PHTF1: variants seen among roughly 807,000 people sequenced by gnomAD.
The protein encoded by PHTF1 is putative homeodomain transcription factor 1, also known as protein PHTF1.
In PHTF1, 88 loss-of-function variants were observed where a neutral mutation model predicts 102.4. The observed-to-expected ratio is 0.86, with a 90% CI of 0.72 to 1.03. The LOEUF (loss-of-function observed/expected upper bound fraction) is 1.03, where lower values mean the gene tolerates loss of function less well. Among genes scored for constraint, PHTF1 ranks in the 50% least tolerant of loss-of-function variants. The pLI is 0.00. For synonymous variants in PHTF1, 289 were observed against 305.2 expected, an observed-to-expected ratio of 0.95 and a Z score of 0.55; for missense variants, 814 against 909.5, an observed-to-expected ratio of 0.89 and a Z score of 1.35.
In PHTF1 at chr1:113,736,864, G is replaced by A. The variant is rs150078737; in HGVS notation, c.331+1246C>T. Among the ~76,000 whole-genome samples, 768 of 152,290 alleles carry A rather than the reference G, an allele frequency of 5.0e-3. 4 individuals are homozygous for A. The highest frequency in any genetic ancestry group is 0.018 in the African/African-American group (741 of 41,552). Reference sequence around the variant, plus strand: ...ATGTCTGAGAGAAGAGCAGGCACCAGGTCCTGTAGGGCATTATAGGCCATG... The same window carrying A: ...ATGTCTGAGAGAAGAGCAGGCACCAAGTCCTGTAGGGCATTATAGGCCATG... On this transcript the variant is annotated intron_variant, in intron 5 of 18. Transcript: ENST00000369604.
chr1:113,712,658 C>T (rs1467377309), intron 8 of PHTF1, among the ~76,000 whole-genome samples: 2 of 152,156 alleles, frequency 1.3e-5, no homozygotes, highest in East Asian at 3.8e-4. Context: ...CTACTTAAAC[C>T]TACAAAATAA....
intron 17 of PHTF1, chr1:113,699,441 A>C (rs1489071128): frequency 6.6e-6 from 4 of 606,638 alleles, no homozygotes; most frequent in Admixed American, 2.1e-5. Context: ...TCCTCCAGGG[A>C]CTTGATCTTC....
intron 17 of PHTF1, 129 bp downstream of exon 17, chr1:113,699,575 C>T (rs931759480): frequency 1.5e-6 from 1 of 673,776 alleles, no homozygotes; most frequent in South Asian, 1.6e-5. Context: ...ACCCCTGATG[C>T]CACTGTGGAA....
At chr1:113,717,792 G>A (rs1005011423) in intron 7 of PHTF1, among the ~76,000 whole-genome samples, 4 of 151,940 alleles carry the variant, frequency 2.6e-5, no homozygotes, top group Non-Finnish European at 4.4e-5. Flanking sequence ...TCACTATCAC[G>A]AGAATAGCAT....
At chr1:113,708,394 G>A (rs1301113904) in intron 11 of PHTF1, among the ~76,000 whole-genome samples, 4 of 152,210 alleles carry the variant, frequency 2.6e-5, no homozygotes, top group Non-Finnish European at 4.4e-5. Context: ...CGGAGGCCGA[G>A]GTGAGTGGAT....
chr1:113,715,724 G>A (rs185300294), intron 7 of PHTF1, among the ~76,000 whole-genome samples: 17 of 124,480 alleles, frequency 1.4e-4, no homozygotes, highest in African/African-American at 4.5e-4. Context: ...TACACAGAAG[G>A]AATTCAGAAT....
chr1:113,756,273 T>C (rs575002171), intron 3 of PHTF1, among the ~76,000 whole-genome samples: 13 of 152,274 alleles, frequency 8.5e-5, no homozygotes, highest in Admixed American at 1.3e-4. Flanking sequence ...TCTGGAGACT[T>C]ATTCATCCTA....
In PHTF1 at chr1:113,728,060, G is replaced by C. The variant is rs538821546; in HGVS notation, c.332-1486C>G. 5.3e-5 allele frequency among the ~76,000 whole-genome samples: 8 copies of C among 152,290 alleles called. No homozygotes were observed. In the South Asian group the frequency reaches 1.7e-3, roughly 32 times the overall value. On this transcript the variant is annotated intron_variant, in intron 5 of 18. Coordinates refer to ENST00000369604, the MANE Select transcript of PHTF1 (RefSeq NM_001323043.2). ...ACCAAGATCACAACACTGCACTCCA[G>C]CCTGGGTGACAGAGCAAGACTCCGT...
chr1:113,706,358 T>C (rs1650174426), intron 12 of PHTF1, among the ~76,000 whole-genome samples, 196 bp from the exon 13 acceptor site: 1 of 152,164 alleles, frequency 6.6e-6, no homozygotes, highest in Admixed American at 6.6e-5. Context: ...AGAGCATACC[T>C]GAACAGTTGA....
chr1:113,698,620 TACACACACACACACACACACACACACAC>T (rs56167437), intron 17 of PHTF1, among the ~76,000 whole-genome samples: 1 of 49,672 alleles, frequency 2.0e-5, no homozygotes, highest in East Asian at 3.5e-4. Context: ...TATATATATA[TACACACACACACACACACACACACACAC>T]ACACACACAC....
At position 113,738,111 on chromosome 1, in the gene PHTF1, T is replaced by C; in HGVS notation, c.330A>G (p.Gln110=). ...GCTTATTCCAATTTCTCCAATTACCTTGCATGAAATAAAGTAGTAACAGCC... is the reference window on the plus strand; with the variant it reads ...GCTTATTCCAATTTCTCCAATTACCCTGCATGAAATAAAGTAGTAACAGCC... The part of the protein sequence containing the change: ...FVWLLLLYFM[Q]VIAIVLYLMM... Residue 110 remains glutamine (Q), a splice_region_variant and synonymous_variant, in exon 5 of 19, where the codon CAA becomes CAG. Coordinates refer to ENST00000369604, the MANE Select transcript of PHTF1 (RefSeq NM_001323043.2). 6.2e-7 allele frequency: 1 copy of C among 1,601,848 alleles called. No homozygotes were observed. The highest frequency in any genetic ancestry group is 8.5e-7 in the Non-Finnish European group (1 of 1,171,338).
intron 3 of PHTF1, among the ~76,000 whole-genome samples, chr1:113,751,024 G>A (rs1657995034): frequency 6.6e-6 from 1 of 152,116 alleles, no homozygotes; most frequent in Non-Finnish European, 1.5e-5. Flanking sequence ...CACTTTGGGA[G>A]GCCAGGGAGG....
intron 17 of PHTF1, chr1:113,699,291 C>T (rs1649182208): frequency 7.5e-6 from 2 of 268,344 alleles, no homozygotes; most frequent in African/African-American, 4.6e-5. Context: ...GGATAAAGAG[C>T]TTGACCATGA....
At position 113,699,541 on chromosome 1, in the gene PHTF1, G is replaced by T; in HGVS notation, c.2142+163C>A. ...CAGGAGCTCTGTGACCTCAGCTCTG[G>T]TCCTAACCACCACTGTGACCCCTAC... On this transcript the variant is annotated intron_variant, in intron 17 of 18. Coordinates refer to ENST00000369604, the MANE Select transcript of PHTF1 (RefSeq NM_001323043.2). 11 of 663,962 alleles carry T rather than the reference G, an allele frequency of 1.7e-5. No individual in the cohort carries two copies. In the South Asian group the frequency reaches 1.8e-4, roughly 11 times the overall value. The allele number at this position is 663,962 out of a possible 1,614,324, so 41.1% of individuals were successfully genotyped here. A position where few individuals can be genotyped will look rare whatever the true frequency, so the allele number is the denominator to read the frequency against.
chr1:113,706,825 C>A, intron 11 of PHTF1, 103 bp from the exon 12 acceptor site: 19 of 561,826 alleles, frequency 3.4e-5, no homozygotes, highest in Middle Eastern at 3.0e-4. Flanking sequence ...ATAACCACCT[C>A]TATAATGCTG....
chr1:113,751,728 A>T (rs1040320713), intron 3 of PHTF1, among the ~76,000 whole-genome samples: 1 of 152,182 alleles, frequency 6.6e-6, no homozygotes, highest in East Asian at 1.9e-4. Flanking sequence ...AGATACCCTA[A>T]ATATAGGTAG....
intron 3 of PHTF1, among the ~76,000 whole-genome samples, chr1:113,739,192 C>A (rs931837528): frequency 6.6e-6 from 1 of 152,114 alleles, no homozygotes; most frequent in Non-Finnish European, 1.5e-5. Context: ...ACTTACATTT[C>A]TTTTTCTCTA....
At position 113,710,353 on chromosome 1, in the gene PHTF1, T is replaced by C; in HGVS notation, c.1170A>G (p.Pro390=). The change falls in exon 11 of 19, where the codon CCA becomes CCG. Residue 390 remains proline (P), a synonymous_variant. Transcript: ENST00000369604. ...DMLWDDLLHG[P]ECRSSVTSDS... ...CACTGGTGACAGATGACCGGCACTCTGGGCCATGTAGCAGGTCGTCCCATA... is the reference window on the plus strand; with the variant it reads ...CACTGGTGACAGATGACCGGCACTCCGGGCCATGTAGCAGGTCGTCCCATA... The C allele has an allele frequency of 6.2e-7, 1 of 1,614,202 alleles. No homozygotes were observed. The highest frequency in any genetic ancestry group is 1.1e-5 in the South Asian group (1 of 91,086).
chr1:113,698,145 T>C (rs1648991932), intron 18 of PHTF1, 117 bp downstream of exon 18: 3 of 725,988 alleles, frequency 4.1e-6, no homozygotes. Flanking sequence ...GTTATTTGCA[T>C]GCTAGAAACA....
Sources: allele counts gnomAD v4.1 joint callset (sites outside exome capture counted in the v4.1 genomes callset), GRCh38; gene constraint gnomAD v4.1.1; transcripts MANE v1.5; gene names NCBI Gene and HGNC (gene_info 2026-07-23, HGNC 2026-07-21).